The following ABHD12 variants were observed in gnomAD, a reference collection of about 807,000 sequenced individuals.
ABHD12 encodes abhydrolase domain containing 12, lysophospholipase.
A neutral mutation model predicts 58.3 loss-of-function variants in ABHD12; 43 were observed. The ratio of observed to expected loss-of-function variants is 0.74; its 90% CI spans 0.58 to 0.95. ABHD12 has a LOEUF of 0.95. Among genes scored for constraint, ABHD12 ranks in the 40% least tolerant of loss-of-function variants. The pLI is 0.00. For synonymous variants in ABHD12, 219 were observed against 211.2 expected (o/e 1.04, Z -0.32); for missense variants, 539 against 537.2 (o/e 1.00, Z -0.03).
chr20:25,298,247 G>A (rs2088581467), downstream of ABHD12, among the ~76,000 whole-genome samples: 1 of 150,774 alleles, frequency 6.6e-6, no homozygotes, highest in Admixed American at 6.6e-5. Flanking sequence ...CCGGGGTCAT[G>A]TGTGCCTGAA....
At chr20:25,369,123 TA>T (rs551164553) in intron 1 of ABHD12, among the ~76,000 whole-genome samples, 61 of 145,880 alleles carry the variant, frequency 4.2e-4, no homozygotes, top group Admixed American at 4.1e-4. Flanking sequence ...ATTTCAAAAG[TA>T]AAAAAAAAAA....
intron 1 of ABHD12, among the ~76,000 whole-genome samples, chr20:25,340,156 AAC>A (rs1359457866): frequency 1.3e-5 from 2 of 152,252 alleles, no homozygotes; most frequent in African/African-American, 2.4e-5. Flanking sequence ...GACAGTCATA[AAC>A]AGTTTATATT....
At chr20:25,305,112 C>G (rs2088711422) in intron 10 of ABHD12, among the ~76,000 whole-genome samples, 1 of 152,200 alleles carries the variant, frequency 6.6e-6, no homozygotes, top group African/African-American at 2.4e-5. Context: ...GGTAATCCAC[C>G]TGCCTCAGCC....
intron 1 of ABHD12, among the ~76,000 whole-genome samples, chr20:25,385,712 AATAG>A (rs1197782902): frequency 1.6e-4 from 22 of 136,650 alleles, no homozygotes; most frequent in Non-Finnish European, 2.4e-4. Flanking sequence ...TAAATAAATA[AATAG>A]AAAGGCACCA....
intron 1 of ABHD12, among the ~76,000 whole-genome samples, chr20:25,386,596 T>C (rs944819706): frequency 2.0e-5 from 3 of 151,636 alleles, no homozygotes; most frequent in African/African-American, 7.3e-5. Context: ...TATTAATAAA[T>C]AGGCCAGGTG....
At chr20:25,326,782 C>A (rs1383551762) in intron 2 of ABHD12, among the ~76,000 whole-genome samples, 1 of 151,792 alleles carries the variant, frequency 6.6e-6, no homozygotes, top group Non-Finnish European at 1.5e-5. Flanking sequence ...CTGTTGTTAG[C>A]TGTTCTTGTA....
chr20:25,362,786 T>C (rs919324253), intron 1 of ABHD12, among the ~76,000 whole-genome samples: 1 of 151,520 alleles, frequency 6.6e-6, no homozygotes, highest in Non-Finnish European at 1.5e-5. Flanking sequence ...GCAATTCTCC[T>C]GCCTCAGCCT....
chr20:25,329,748 G>C (rs2089237076), intron 2 of ABHD12, among the ~76,000 whole-genome samples: 1 of 152,222 alleles, frequency 6.6e-6, no homozygotes, highest in Non-Finnish European at 1.5e-5. Context: ...GCAGCCATAA[G>C]AGGTGTGGTG....
In ABHD12 at chr20:25,390,475, C is replaced by CGGGGGGGGGG; in HGVS notation, c.191+37_191+38insCCCCCCCCCC. On this transcript the variant is annotated intron_variant, in intron 1 of 12. Transcript: ENST00000339157. ...GACGCACCTGCGCAAAGTGAGGGACCGGCCCCCCCCCCCCCCCCGCTCCGC... is the reference window on the plus strand; with the variant it reads ...GACGCACCTGCGCAAAGTGAGGGACCGGGGGGGGGGGGCCCCCCCCCCCCCCCCGCTCCGC... 9 of 1,089,468 alleles carry CGGGGGGGGGG rather than the reference C, an allele frequency of 8.3e-6. No individual in the cohort carries two copies. The East Asian group carries it at 2.4e-4, about 30-fold the overall frequency. The allele number at this position is 1,089,468 out of a possible 1,614,324, so 67.5% of individuals were successfully genotyped here.
chr20:25,340,962 A>C (rs2089446768), intron 1 of ABHD12, among the ~76,000 whole-genome samples: 1 of 152,252 alleles, frequency 6.6e-6, no homozygotes, highest in African/African-American at 2.4e-5. Flanking sequence ...CTGTATACTT[A>C]GAATCCATGA....
intron 2 of ABHD12, among the ~76,000 whole-genome samples, chr20:25,324,569 G>A (rs922602915): frequency 2.0e-5 from 3 of 152,202 alleles, no homozygotes; most frequent in Admixed American, 6.5e-5. Flanking sequence ...CTGCCCCCGG[G>A]GAAGCTCTGC....
At chr20:25,390,194 A>C in intron 1 of ABHD12, 1 of 239,680 alleles carries the variant, frequency 4.2e-6, no homozygotes. Context: ...CCAAGCCCCC[A>C]GCGTAAGGGT....
In ABHD12 at chr20:25,334,958, A is replaced by T. The variant is rs894886185; in HGVS notation, c.316+4269T>A. Among the ~76,000 whole-genome samples, 95 of 152,202 alleles carry T rather than the reference A, an allele frequency of 6.2e-4. 1 individual carries two copies. Among genetic ancestry groups the T allele is most frequent in the African/African-American group, 2.0e-3 (84 of 41,530 alleles). On this transcript the variant is annotated intron_variant, in intron 2 of 12. Transcript: ENST00000339157. ...ACAAAAGCCAAAATTGACAAATGGG[A>T]TCTAATTTAACTAAAGAGCTTCTGC...
chr20:25,323,396 T>TG lies in ABHD12; in HGVS notation c.350dup (p.Gln118ThrfsTer10), dbSNP rs756648434. On this transcript the variant is annotated frameshift_variant, in exon 3 of 13. Coordinates refer to ENST00000339157, the MANE Select transcript of ABHD12 (RefSeq NM_001042472.3). LOFTEE classifies it high-confidence loss of function. Reference sequence around the variant, plus strand: ...ACGTGTGATTCAAACCTTGATCCTGTGGTTTTTTCAAATCAATGAAATAGG... The same window carrying TG: ...ACGTGTGATTCAAACCTTGATCCTGTGGGTTTTTTCAAATCAATGAAATAGG... 7 of 1,613,770 alleles carry TG rather than the reference T, an allele frequency of 4.3e-6. No homozygotes were observed. In the African/African-American group the frequency reaches 5.3e-5, roughly 12 times the overall value.
At chr20:25,362,016 T>C (rs535105294) in intron 1 of ABHD12, among the ~76,000 whole-genome samples, 1 of 151,046 alleles carries the variant, frequency 6.6e-6, no homozygotes, top group South Asian at 2.1e-4. Context: ...GGCTCATGCC[T>C]GTAATCCCAG....
chr20:25,342,209 T>C (rs2089464190), intron 1 of ABHD12, among the ~76,000 whole-genome samples: 2 of 151,068 alleles, frequency 1.3e-5, no homozygotes, highest in African/African-American at 4.9e-5. Context: ...CAAACCATGG[T>C]ATGCCCTTAG....
chr20:25,339,119 T>C lies in ABHD12; in HGVS notation c.316+108A>G, dbSNP rs368212323. The stretch of plus-strand genomic sequence containing the variant: ...CTTAAGATATGTACCCTTCACTGTA[T>C]GTAAACTAAATCTCCATTAAAGTAA... On this transcript the variant is annotated intron_variant, in intron 2 of 12. Transcript: ENST00000339157. 5.3e-4 allele frequency: 809 copies of C among 1,525,094 alleles called. 3 individuals are homozygous for C. The African/African-American group carries it at 8.2e-3, about 16-fold the overall frequency. 94.5% of individuals were successfully genotyped at this position (1,525,094 alleles called of 1,614,324 possible). A position where few individuals can be genotyped will look rare whatever the true frequency, so the allele number is the denominator to read the frequency against.
At position 25,339,321 on chromosome 20, in the gene ABHD12, C is replaced by A; in HGVS notation, c.222G>T (p.Lys74Asn). Residue 74 changes from lysine to asparagine, a missense_variant, in exon 2 of 13, where the codon AAG (lysine) becomes AAT (asparagine). Transcript: ENST00000339157. ...ACAACCCCAAAACACAGAAAAGTAT[C>A]TTCCTCAGGCGCAACCACACGCCCT... is the stretch of plus-strand genomic sequence containing the variant. ...RRKGVWLRLR[K>N]ILFCVLGLYI... 6.2e-7 allele frequency: 1 copy of A among 1,614,160 alleles called. No homozygotes were observed. The highest frequency in any genetic ancestry group is 8.5e-7 in the Non-Finnish European group (1 of 1,180,028).
At chr20:25,381,641 T>C (rs549667338) in intron 1 of ABHD12, among the ~76,000 whole-genome samples, 2 of 151,100 alleles carry the variant, frequency 1.3e-5, no homozygotes, top group South Asian at 4.2e-4. Context: ...TTTTTTTTTT[T>C]CCTTGTTTTG....
Sources: gnomAD v4.1 joint callset for allele counts (sites outside exome capture counted in the v4.1 genomes callset) on GRCh38, gnomAD v4.1.1 for gene constraint, MANE v1.5 for transcripts, NCBI Gene and HGNC (gene_info 2026-07-23, HGNC 2026-07-21) for gene names.